Variants in SEPSECS observed in about 807,000 individuals in gnomAD.
SEPSECS encodes the protein Sep (O-phosphoserine) tRNA:Sec (selenocysteine) tRNA synthase.
A neutral mutation model predicts 52.1 loss-of-function variants in SEPSECS; 42 were observed. That is an observed-to-expected ratio of 0.81 (90% CI 0.63 to 1.04). SEPSECS has a LOEUF of 1.04. Ranked by LOEUF, SEPSECS falls within the 50% of genes least tolerant of loss-of-function variation. The pLI is 0.00. For synonymous variants in SEPSECS, 216 were observed against 211.4 expected, an observed-to-expected ratio of 1.02 and a Z score of -0.19; for missense variants, 590 against 610.6, an observed-to-expected ratio of 0.97 and a Z score of 0.36.
At chr4:25,136,656 T>G (rs1284653807) in intron 8 of SEPSECS, among the ~76,000 whole-genome samples, 4 of 151,880 alleles carry the variant, frequency 2.6e-5, no homozygotes. Context: ...ATTTATAGAG[T>G]CAATGTTATT....
intron 10 of SEPSECS, 31 bp downstream of exon 10, chr4:25,125,663 A>G (rs183856943): frequency 6.9e-7 from 1 of 1,438,996 alleles, no homozygotes; most frequent in East Asian, 2.3e-5. Context: ...GAAAAGACAA[A>G]TAAACCCATA....
intron 10 of SEPSECS, among the ~76,000 whole-genome samples, chr4:25,124,438 A>G (rs574864403): frequency 6.6e-6 from 1 of 152,220 alleles, no homozygotes; most frequent in African/African-American, 2.4e-5. Context: ...CTGCCTCGTG[A>G]TTATCGTTTA....
rs1728193681 is a variant in SEPSECS at position 25,123,026 on chromosome 4, T to C, written c.*905A>G. ...ACAGTAAGTGGAATAATGTTTTCCCTTATCCAAAAGGAAAAATGCACCAGT... is the reference window on the plus strand; with the variant it reads ...ACAGTAAGTGGAATAATGTTTTCCCCTATCCAAAAGGAAAAATGCACCAGT... On this transcript the variant is annotated 3_prime_UTR_variant, in exon 11 of 11. Coordinates refer to ENST00000382103, the MANE Select transcript of SEPSECS (RefSeq NM_016955.4). 1.3e-5 allele frequency: 2 copies of C among 152,176 alleles called. No homozygotes were observed. The highest frequency in any genetic ancestry group is 2.9e-5 in the Non-Finnish European group (2 of 68,030). 9.4% of individuals were successfully genotyped at this position (152,176 alleles called of 1,614,324 possible).
At position 25,122,078 on chromosome 4, in the gene SEPSECS, C is replaced by T. The variant is rs1164171998; in HGVS notation, c.*1853G>A. The T allele has an allele frequency of 6.6e-6, 1 of 152,072 alleles. No individual in the cohort carries two copies. The highest frequency in any genetic ancestry group is 1.5e-5 in the Non-Finnish European group (1 of 67,978). The allele number at this position is 152,072 out of a possible 1,614,324, so 9.4% of individuals were successfully genotyped here. A position where few individuals can be genotyped will look rare whatever the true frequency, so the allele number is the denominator to read the frequency against. ...GCTTTATTGGTTCAGCAATTTAGTC[C>T]CAAATTCTCATGAAAAATTTACACT... On this transcript the variant is annotated 3_prime_UTR_variant, in exon 11 of 11. Coordinates refer to ENST00000382103, the MANE Select transcript of SEPSECS (RefSeq NM_016955.4).
intron 8 of SEPSECS, among the ~76,000 whole-genome samples, chr4:25,131,646 C>A (rs1728610093): frequency 6.6e-6 from 1 of 152,234 alleles, no homozygotes; most frequent in South Asian, 2.1e-4. Context: ...ACTCCACTTA[C>A]AGGGCTGCAA....
At chr4:25,138,607 C>T (rs1170644802) in intron 8 of SEPSECS, among the ~76,000 whole-genome samples, 1 of 151,668 alleles carries the variant, frequency 6.6e-6, no homozygotes, top group Non-Finnish European at 1.5e-5. Flanking sequence ...ACACAGATAA[C>T]TAATGTTATA....
chr4:25,135,972 A>G (rs141468255), intron 8 of SEPSECS, among the ~76,000 whole-genome samples: 1 of 152,366 alleles, frequency 6.6e-6, no homozygotes, highest in Non-Finnish European at 1.5e-5. Context: ...ATCTCAATAG[A>G]TGCAGAAAAT....
chr4:25,148,418 G>C (rs999109299), intron 6 of SEPSECS, among the ~76,000 whole-genome samples: 2 of 150,254 alleles, frequency 1.3e-5, no homozygotes, highest in Admixed American at 6.6e-5. Flanking sequence ...TGTAGTAAAT[G>C]GTATATATTA....
At chr4:25,129,532 G>C (rs1299900677) in intron 8 of SEPSECS, among the ~76,000 whole-genome samples, 1 of 151,752 alleles carries the variant, frequency 6.6e-6, no homozygotes, top group Non-Finnish European at 1.5e-5. Context: ...TGAGGCATGA[G>C]ATTCACTTGA....
At chr4:25,155,241 G>C in intron 4 of SEPSECS, 90 bp from the exon 5 acceptor site, 1 of 1,352,530 alleles carries the variant, frequency 7.4e-7, no homozygotes. Flanking sequence ...TTCTACACAA[G>C]AACTCTTAAT....
intron 2 of SEPSECS, 97 bp from the exon 3 acceptor site, chr4:25,157,071 G>A (rs983482854): frequency 1.3e-6 from 1 of 776,762 alleles, no homozygotes; most frequent in Non-Finnish European, 2.4e-6. Context: ...AAAAACACCA[G>A]GAGCAATATT....
intron 4 of SEPSECS, 78 bp downstream of exon 4, chr4:25,155,959 C>T: frequency 7.4e-7 from 1 of 1,347,580 alleles, no homozygotes; most frequent in Non-Finnish European, 1.0e-6. Flanking sequence ...GTTTATTTTT[C>T]ATTTATCTAT....
rs543061233 is a variant in SEPSECS, at chr4:25,158,722, C to A, written c.269+231G>T. 7.2e-5 allele frequency among the ~76,000 whole-genome samples: 11 copies of A among 152,290 alleles called. No homozygotes were observed. The East Asian group carries it at 1.9e-3, about 27-fold the overall frequency. On this transcript the variant is annotated intron_variant, in intron 2 of 10. Transcript: ENST00000382103. Reference sequence around the variant, plus strand: ...TATAGCCTGTGTTAGTCACCCAGAACCTGACAGGGTAACCCCCACTTAGTT... The same window carrying A: ...TATAGCCTGTGTTAGTCACCCAGAAACTGACAGGGTAACCCCCACTTAGTT...
At chr4:25,155,374 T>C (rs1712561119) in intron 4 of SEPSECS, 1 of 583,396 alleles carries the variant, frequency 1.7e-6, no homozygotes, top group African/African-American at 1.9e-5. Context: ...TAAGTCTATT[T>C]AACACTTGGA....
Position 25,160,324 on chromosome 4 carries a change from C to A in SEPSECS, c.46G>T (p.Ala16Ser), listed in dbSNP as rs1349398235. 3 of 1,548,854 alleles carry A rather than the reference C, an allele frequency of 1.9e-6. No individual in the cohort carries two copies. The highest frequency in any genetic ancestry group is 3.9e-5 in the Admixed American group (2 of 50,980). The change falls in exon 1 of 11, where the codon GCT becomes TCT. Residue 16 changes from alanine to serine, a missense_variant. By Grantham distance (99) the Ala-to-Ser change is moderately conservative. Coordinates refer to ENST00000382103, the MANE Select transcript of SEPSECS (RefSeq NM_016955.4). ...FAAGERLVSP[A>S]YVRQGCEARR... ...GCCTCACAGCCCTGCCGCACGTAAG[C>A]CGGCGACACCAGCCGCTCTCCCGCC... is the stretch of plus-strand genomic sequence containing the variant.
Position 25,160,387 on chromosome 4 carries a change from T to C in SEPSECS, c.-18A>G, listed in dbSNP as rs1319567102. The C allele has an allele frequency of 6.5e-7, 1 of 1,539,620 alleles. No individual in the cohort carries two copies. Among genetic ancestry groups the C allele is most frequent in the Non-Finnish European group, 8.8e-7 (1 of 1,138,134 alleles). On this transcript the variant is annotated 5_prime_UTR_variant, in exon 1 of 11. Transcript: ENST00000382103. ...CGGTTCATGACAGCGGTGGCGACAG[T>C]GGCGAATAAGCGGGAGCACTAGCTC...
At chr4:25,135,288 T>G (rs1013000760) in intron 8 of SEPSECS, among the ~76,000 whole-genome samples, 1 of 151,004 alleles carries the variant, frequency 6.6e-6, no homozygotes, top group Non-Finnish European at 1.5e-5. Flanking sequence ...GTGGGTTTTT[T>G]TAAAAAATTA....
chr4:25,128,418 C>T (rs1728472771), intron 8 of SEPSECS, among the ~76,000 whole-genome samples: 3 of 151,662 alleles, frequency 2.0e-5, no homozygotes, highest in Admixed American at 2.0e-4. Context: ...TCAACACCAG[C>T]CTGGGTAACA....
Position 25,156,973 on chromosome 4 carries a change from A to C in SEPSECS, c.271T>G (p.Phe91Val), listed in dbSNP as rs1201138129. The change falls in exon 3 of 11, where the codon TTC becomes GTC. Residue 91 changes from phenylalanine to valine, a missense_variant and splice_region_variant. Coordinates refer to ENST00000382103, the MANE Select transcript of SEPSECS (RefSeq NM_016955.4). ...SALVARRHYR[F>V]IHGIGRSGDI... Reference sequence around the variant, plus strand: ...CCGGATCGTCCAATGCCATGAATGAACCTAAGCAAAAAATGGGCCAAAAAC... The same window carrying C: ...CCGGATCGTCCAATGCCATGAATGACCCTAAGCAAAAAATGGGCCAAAAAC... The C allele has an allele frequency of 6.3e-6, 10 of 1,581,024 alleles. No individual in the cohort carries two copies. Among genetic ancestry groups the C allele is most frequent in the Non-Finnish European group, 8.7e-6 (10 of 1,149,904 alleles).
Sources: gnomAD v4.1 joint callset for allele counts (sites outside exome capture counted in the v4.1 genomes callset) on GRCh38, gnomAD v4.1.1 for gene constraint, MANE v1.5 for transcripts, NCBI Gene and HGNC (gene_info 2026-07-23, HGNC 2026-07-21) for gene names.